Variants in IL1RAPL2 observed in about 807,000 individuals in gnomAD.
IL1RAPL2 encodes interleukin 1 receptor accessory protein like 2.
A neutral mutation model predicts 44.1 loss-of-function variants in IL1RAPL2; 3 were observed. That is an observed-to-expected ratio of 0.07 (90% CI 0.03 to 0.18). The LOEUF (loss-of-function observed/expected upper bound fraction) is 0.18, where lower values mean the gene tolerates loss of function less well. Ranked by LOEUF, IL1RAPL2 falls within the 10% of genes least tolerant of loss-of-function variation. IL1RAPL2 has a pLI of 1.00. For synonymous variants in IL1RAPL2, 181 were observed against 178.8 expected, an observed-to-expected ratio of 1.01 and a Z score of -0.10; for missense variants, 391 against 496.4, an observed-to-expected ratio of 0.79 and a Z score of 2.02.
intron 2 of IL1RAPL2, among the ~76,000 whole-genome samples, chrX:104,937,027 G>C (rs1925045995): frequency 8.9e-6 from 1 of 111,778 alleles, no homozygotes; most frequent in Admixed American, 9.5e-5. Context: ...TTTTCTCCAT[G>C]TGCTTTCTCC....
At chrX:105,747,732 A>G (rs1182894569) in intron 8 of IL1RAPL2, among the ~76,000 whole-genome samples, 1 of 109,030 alleles carries the variant, frequency 9.2e-6, no homozygotes. Flanking sequence ...CAGACTGTCA[A>G]TGGTCAGCAA....
chrX:104,870,616 A>G (rs760111465), intron 2 of IL1RAPL2, among the ~76,000 whole-genome samples: 1 of 111,306 alleles, frequency 9.0e-6, no homozygotes, highest in African/African-American at 3.3e-5. Flanking sequence ...TCCTATTACT[A>G]GTTGTCCTAT....
intron 3 of IL1RAPL2, among the ~76,000 whole-genome samples, chrX:105,221,383 AAC>A (rs2147627602): frequency 9.1e-6 from 1 of 109,650 alleles, no homozygotes; most frequent in Admixed American, 9.8e-5. Flanking sequence ...AGACAACGTT[AAC>A]AGTTTGTTTA....
chrX:104,613,644 C>T (rs1271118405), intron 1 of IL1RAPL2, among the ~76,000 whole-genome samples: 1 of 109,976 alleles, frequency 9.1e-6, no homozygotes, highest in African/African-American at 3.3e-5. Flanking sequence ...TGTTGTTGTG[C>T]CTTTGCCAGA....
At chrX:105,662,406 C>T (rs766823162) in intron 6 of IL1RAPL2, among the ~76,000 whole-genome samples, 1 of 111,609 alleles carries the variant, frequency 9.0e-6, no homozygotes, top group Non-Finnish European at 1.9e-5. Flanking sequence ...GTTTTGTGTA[C>T]CCAATCTCTT....
At chrX:104,844,627 C>T (rs1922000265) in intron 2 of IL1RAPL2, among the ~76,000 whole-genome samples, 1 of 111,049 alleles carries the variant, frequency 9.0e-6, no homozygotes, top group Non-Finnish European at 1.9e-5. Flanking sequence ...AAACAGAAAA[C>T]AAAAACACAA....
intron 2 of IL1RAPL2, among the ~76,000 whole-genome samples, chrX:104,720,914 C>A (rs776003829): frequency 9.0e-6 from 1 of 110,648 alleles, no homozygotes; most frequent in African/African-American, 3.3e-5. Flanking sequence ...TTCATGTGGC[C>A]AGCATATGAA....
chrX:104,831,423 T>C (rs1437856020), intron 2 of IL1RAPL2, among the ~76,000 whole-genome samples: 1 of 111,732 alleles, frequency 8.9e-6, no homozygotes, highest in Non-Finnish European at 1.9e-5. Context: ...CTGTATGAGG[T>C]AGAATATCAT....
intron 2 of IL1RAPL2, among the ~76,000 whole-genome samples, chrX:104,882,697 G>T (rs1169069665): frequency 8.9e-6 from 1 of 111,798 alleles, no homozygotes; most frequent in Non-Finnish European, 1.9e-5. Context: ...AATAAAAGCT[G>T]GCCACCCAAG....
At chrX:104,634,409 C>T (rs2148013309) in intron 1 of IL1RAPL2, among the ~76,000 whole-genome samples, 1 of 111,513 alleles carries the variant, frequency 9.0e-6, no homozygotes, top group Non-Finnish European at 1.9e-5. Context: ...TGTTAACTTT[C>T]TGTCTCTTTG....
chrX:105,264,317 C>T (rs754558831), intron 4 of IL1RAPL2, among the ~76,000 whole-genome samples: 15 of 111,689 alleles, frequency 1.3e-4, no homozygotes, highest in Non-Finnish European at 2.1e-4. Flanking sequence ...CCATGCAGAA[C>T]TGTGAGTCAA....
At chrX:104,651,312 G>A (rs1930148823) in intron 1 of IL1RAPL2, among the ~76,000 whole-genome samples, 1 of 111,406 alleles carries the variant, frequency 9.0e-6, no homozygotes, top group Non-Finnish European at 1.9e-5. Context: ...AATAGGGAGG[G>A]GTGAATTAAA....
Position 105,101,318 on chromosome X carries a change from G to A in IL1RAPL2, c.83-94157G>A, listed in dbSNP as rs573053084. Among the ~76,000 whole-genome samples the A allele has an allele frequency of 9.8e-5, 11 of 112,057 alleles. No individual in the cohort carries two copies. The Middle Eastern group carries it at 0.018, about 188-fold the overall frequency. ...AGGCCTTTTTATATCAGCAAGGGCA[G>A]AAAAACCCTAAAGTAAGGACAAGAG... On this transcript the variant is annotated intron_variant, in intron 2 of 10. Transcript: ENST00000372582.
rs1569411986 is a variant in IL1RAPL2, at chrX:105,243,549, ATATATATATATATG to A, written c.543+9547_543+9560del. Among the ~76,000 whole-genome samples the A allele has an allele frequency of 0.027, 2,059 of 75,668 alleles. 64 individuals carry two copies. In the African/African-American group the frequency reaches 0.32, roughly 12 times the overall value. 65.7% of individuals were successfully genotyped at this position (75,668 alleles called of 115,157 possible). A position where few individuals can be genotyped will look rare whatever the true frequency, so the allele number is the denominator to read the frequency against. The stretch of plus-strand genomic sequence containing the variant: ...GGAGATTTCATATATATATGTGTGT[ATATATATATATATG>A]TGTGTATATATATATATATATGTGT... On this transcript the variant is annotated intron_variant, in intron 4 of 10. Transcript: ENST00000372582.
intron 2 of IL1RAPL2, among the ~76,000 whole-genome samples, chrX:105,063,144 C>T (rs922075997): frequency 9.0e-6 from 1 of 111,235 alleles, no homozygotes; most frequent in African/African-American, 3.3e-5. Context: ...CCGTTTGTCT[C>T]CTCTGACTGT....
At chrX:105,562,344 T>G (rs758926215) in intron 6 of IL1RAPL2, among the ~76,000 whole-genome samples, 8 of 111,289 alleles carry the variant, frequency 7.2e-5, no homozygotes, top group African/African-American at 2.3e-4. Flanking sequence ...ATTATATATT[T>G]CAAAATAGCT....
intron 2 of IL1RAPL2, among the ~76,000 whole-genome samples, chrX:105,173,036 A>T (rs1315416614): frequency 9.0e-6 from 1 of 111,030 alleles, no homozygotes; most frequent in Non-Finnish European, 1.9e-5. Context: ...CTAGGTGGTG[A>T]TGTTGGGCCT....
chrX:104,936,807 C>T (rs1283107095), intron 2 of IL1RAPL2, among the ~76,000 whole-genome samples: 4 of 109,836 alleles, frequency 3.6e-5, no homozygotes, highest in Admixed American at 1.9e-4. Context: ...GGGGTTTCAC[C>T]GTGTTAGCCA....
chrX:105,491,957 A>G (rs1247728537), intron 6 of IL1RAPL2, among the ~76,000 whole-genome samples: 1 of 112,042 alleles, frequency 8.9e-6, no homozygotes, highest in Middle Eastern at 4.2e-3. Context: ...AAATAGCATG[A>G]TTGTTAACCA....
Sources: gnomAD v4.1 joint callset for allele counts (sites outside exome capture counted in the v4.1 genomes callset) on GRCh38, gnomAD v4.1.1 for gene constraint, MANE v1.5 for transcripts, NCBI Gene and HGNC (gene_info 2026-07-23, HGNC 2026-07-21) for gene names.